The following DGCR2 variants were observed in gnomAD, a reference collection of about 807,000 sequenced individuals.
The protein encoded by DGCR2 is integral membrane protein DGCR2/IDD.
In DGCR2, 24 loss-of-function variants were observed where a neutral mutation model predicts 51.6. That is an observed-to-expected ratio of 0.47 (90% CI 0.34 to 0.65). The LOEUF is 0.65. DGCR2 is among the 30% of genes least tolerant of loss of function. The probability of loss-of-function intolerance (pLI) is 0.01; values close to 1 mark genes in which losing one functional copy is unlikely to be tolerated. For missense variants in DGCR2, 765 were observed against 772.1 expected (o/e 0.99, Z 0.11); for synonymous variants, 340 against 315.4 (o/e 1.08, Z -0.82).
chr22:19,089,227 G>A (rs1352946280), intron 2 of DGCR2, 141 bp downstream of exon 2: 3 of 956,386 alleles, frequency 3.1e-6, no homozygotes, highest in Non-Finnish European at 4.4e-6. Context: ...CAGAAAGACA[G>A]AGAGAGAGGA....
At chr22:19,108,517 G>A (rs1407543465) in intron 1 of DGCR2, among the ~76,000 whole-genome samples, 1 of 145,438 alleles carries the variant, frequency 6.9e-6, no homozygotes, top group Non-Finnish European at 1.5e-5. Flanking sequence ...CAAGGCTGCA[G>A]TGAGCTGTGA....
At chr22:19,076,859 T>C (rs1159541634) in intron 2 of DGCR2, among the ~76,000 whole-genome samples, 1 of 150,534 alleles carries the variant, frequency 6.6e-6, no homozygotes, top group Non-Finnish European at 1.5e-5. Context: ...GCCTCCCGAG[T>C]AGCTGGAACT....
chr22:19,068,162 G>T lies in DGCR2; in HGVS notation c.266C>A (p.Ala89Asp). ...GAAGTGCGAAGGGTCGCCTCCTCTGGCCCGCCCCTGCCGCGGATCCACAGC... is the reference window on the plus strand; with the variant it reads ...GAAGTGCGAAGGGTCGCCTCCTCTGTCCCGCCCCTGCCGCGGATCCACAGC... Reference protein sequence around the residue: ...KEAVDPRQGRARGGDPSHFHA... With the variant: ...KEAVDPRQGRDRGGDPSHFHA... The change falls in exon 3 of 10, where the codon GCC becomes GAC. Residue 89 changes from alanine (A) to aspartate (D), a missense_variant. By Grantham distance (126) the Ala-to-Asp change is moderately radical. Coordinates refer to ENST00000263196, the MANE Select transcript of DGCR2 (RefSeq NM_005137.3). 1 of 1,611,106 alleles carries T rather than the reference G, an allele frequency of 6.2e-7. No homozygotes were observed.
In DGCR2 at chr22:19,091,529, TG is replaced by T. The variant is rs200218754; in HGVS notation, c.80-2040del. Among the ~76,000 whole-genome samples, 28 of 152,334 alleles carry T rather than the reference TG, an allele frequency of 1.8e-4. No individual in the cohort carries two copies. In the East Asian group the frequency reaches 4.8e-3, roughly 26 times the overall value. ...TTTACAAAAGAAACTTCAAAATTCA[TG>T]AAACAGAAACTACTGTAACTGCTAA... On this transcript the variant is annotated intron_variant, in intron 1 of 9. Coordinates refer to ENST00000263196, the MANE Select transcript of DGCR2 (RefSeq NM_005137.3).
At chr22:19,107,301 G>A (rs2083269772) in intron 1 of DGCR2, among the ~76,000 whole-genome samples, 2 of 152,208 alleles carry the variant, frequency 1.3e-5, no homozygotes, top group African/African-American at 2.4e-5. Context: ...AGAGGGAGTA[G>A]GGTTGCCAAG....
Position 19,057,308 on chromosome 22 carries a change from C to T in DGCR2, c.626-146G>A. The T allele has an allele frequency of 1.1e-6, 1 of 930,332 alleles. No homozygotes were observed. Among genetic ancestry groups the T allele is most frequent in the African/African-American group, 1.7e-5 (1 of 60,002 alleles). The allele number at this position is 930,332 out of a possible 1,614,324, so 57.6% of individuals were successfully genotyped here. On this transcript the variant is annotated intron_variant, in intron 5 of 9. Transcript: ENST00000263196. This position sits in a 1 kb window ranked among gnomAD's most constrained non-coding sequence, Gnocchi z 5.1. ...CTGGTGGTCACTGTGGCCAGGTGTT[C>T]ACTCGGGACTCCCCAACCTCCTGGG... is the stretch of plus-strand genomic sequence containing the variant.
chr22:19,120,414 A>T (rs1400179138), intron 1 of DGCR2, among the ~76,000 whole-genome samples: 3 of 152,168 alleles, frequency 2.0e-5, no homozygotes, highest in African/African-American at 7.2e-5. Context: ...CAAGTGACTT[A>T]CACCTGGCCT....
intron 6 of DGCR2, chr22:19,055,949 C>A: frequency 6.3e-6 from 1 of 157,514 alleles, no homozygotes; most frequent in South Asian, 1.9e-4. Context: ...GGGTGTGGAC[C>A]CGGCAGCTGA....
At chr22:19,102,793 G>A (rs1482324128) in intron 1 of DGCR2, among the ~76,000 whole-genome samples, 1 of 152,174 alleles carries the variant, frequency 6.6e-6, no homozygotes, top group African/African-American at 2.4e-5. Context: ...ATCGCTTGAA[G>A]CCAGGAGTTT....
intron 1 of DGCR2, among the ~76,000 whole-genome samples, chr22:19,103,664 G>A (rs1237968943): frequency 2.1e-5 from 3 of 145,634 alleles, no homozygotes; most frequent in Non-Finnish European, 3.0e-5. Context: ...TCCTGACCTC[G>A]TGATCCACCT....
intron 2 of DGCR2, among the ~76,000 whole-genome samples, chr22:19,075,209 C>T (rs942481777): frequency 6.6e-6 from 1 of 150,454 alleles, no homozygotes; most frequent in Non-Finnish European, 1.5e-5. Context: ...AGGCAGATCA[C>T]AAGGTCAGGA....
chr22:19,114,317 G>A (rs1179513513), intron 1 of DGCR2, among the ~76,000 whole-genome samples: 3 of 152,118 alleles, frequency 2.0e-5, no homozygotes, highest in African/African-American at 7.2e-5. Context: ...TTTCTAGATT[G>A]TCCAGACAAG....
In DGCR2 at chr22:19,065,077, A is replaced by G. The variant is rs369445178; in HGVS notation, c.329-10T>C. 2 of 1,612,714 alleles carry G rather than the reference A, an allele frequency of 1.2e-6. No individual in the cohort carries two copies. The highest frequency in any genetic ancestry group is 2.7e-5 in the African/African-American group (2 of 74,916). ...CACTTCCCTAGGAAACATAAAGGAC[A>G]GAAGGGGAGTTGTCCCCCAAGTTAG... On this transcript the variant is annotated splice_polypyrimidine_tract_variant and intron_variant, in intron 3 of 9. Transcript: ENST00000263196.
chr22:19,041,964 G>A lies in DGCR2; in HGVS notation c.1007-5C>T, dbSNP rs773109019. ...AGTCAAACAGACTGTTGCCATCTGA[G>A]GGGGAGGGGAGGAAATGGCCGCTCT... On this transcript the variant is annotated splice_polypyrimidine_tract_variant and splice_region_variant and intron_variant, in intron 7 of 9. Transcript: ENST00000263196. The A allele has an allele frequency of 3.7e-6, 6 of 1,611,388 alleles. No homozygotes were observed. Among genetic ancestry groups the A allele is most frequent in the East Asian group, 2.2e-5 (1 of 44,820 alleles).
chr22:19,072,623 C>T (rs921574789), intron 2 of DGCR2, among the ~76,000 whole-genome samples: 11 of 152,198 alleles, frequency 7.2e-5, no homozygotes, highest in African/African-American at 2.7e-4. Context: ...CCTGTAATCC[C>T]AGCACTTTGG....
intron 1 of DGCR2, among the ~76,000 whole-genome samples, chr22:19,103,254 T>TA (rs1166962001): frequency 6.7e-6 from 1 of 150,262 alleles, no homozygotes; most frequent in Non-Finnish European, 1.5e-5. Flanking sequence ...AGTTACTGTT[T>TA]AAAAAGTATA....
In DGCR2 at chr22:19,082,530, G is replaced by A. The variant is rs549735231; in HGVS notation, c.202+6838C>T. Among the ~76,000 whole-genome samples the A allele has an allele frequency of 3.3e-5, 5 of 152,106 alleles. No homozygotes were observed. In the South Asian group the frequency reaches 1.0e-3, roughly 32 times the overall value. ...TTTGGGAAGCCGAGGCAGGCAGATC[G>A]CCTGAGATCAGGGGTTCGAGCCCAG... is the stretch of plus-strand genomic sequence containing the variant. On this transcript the variant is annotated intron_variant, in intron 2 of 9. Transcript: ENST00000263196.
In DGCR2 at chr22:19,038,708, C is replaced by T. The variant is rs1387563493; in HGVS notation, c.*157G>A. 6.2e-6 allele frequency: 6 copies of T among 964,210 alleles called. No homozygotes were observed. The highest frequency in any genetic ancestry group is 2.6e-5 in the East Asian group (1 of 38,790). 59.7% of individuals were successfully genotyped at this position (964,210 alleles called of 1,614,324 possible). A position where few individuals can be genotyped will look rare whatever the true frequency, so the allele number is the denominator to read the frequency against. ...GGCCATCACTTCTTTTGGCAGAAGG[C>T]GGGCTGTGGTCTCTATGTACACACG... On this transcript the variant is annotated 3_prime_UTR_variant, in exon 10 of 10. Coordinates refer to ENST00000263196, the MANE Select transcript of DGCR2 (RefSeq NM_005137.3).
rs151223433 is a variant in DGCR2 at position 19,087,577 on chromosome 22, G to A, written c.202+1791C>T. The stretch of plus-strand genomic sequence containing the variant: ...ATTTTTAGTAGAGATGAGATTTCAC[G>A]ATGTCAGCCAGACTGGTCTGAAACT... On this transcript the variant is annotated intron_variant, in intron 2 of 9. Coordinates refer to ENST00000263196, the MANE Select transcript of DGCR2 (RefSeq NM_005137.3). Among the ~76,000 whole-genome samples, 303 of 151,926 alleles carry A rather than the reference G, an allele frequency of 2.0e-3. 1 individual carries two copies. Among genetic ancestry groups the A allele is most frequent in the African/African-American group, 7.0e-3 (289 of 41,408 alleles).
Sources: allele counts gnomAD v4.1 joint callset (sites outside exome capture counted in the v4.1 genomes callset), GRCh38; gene constraint gnomAD v4.1.1; non-coding constraint Gnocchi (gnomAD v3.1); transcripts MANE v1.5; gene names NCBI Gene and HGNC (gene_info 2026-07-23, HGNC 2026-07-21).